Variants in TPP2 observed in about 807,000 individuals in gnomAD.
TPP2 encodes tripeptidyl peptidase 2.
TPP2 carries 34 observed loss-of-function variants against 155.9 expected under a neutral mutation model. That is an observed-to-expected ratio of 0.22 (90% CI 0.17 to 0.29). TPP2 has a LOEUF of 0.29. Among genes scored for constraint, TPP2 ranks in the 10% least tolerant of loss-of-function variants. The pLI is 1.00. For synonymous variants in TPP2, 510 were observed against 529.4 expected, an observed-to-expected ratio of 0.96 and a Z score of 0.50; for missense variants, 1,028 against 1,522.3, an observed-to-expected ratio of 0.68 and a Z score of 5.40.
chr13:102,656,948 G>C, intron 24 of TPP2, 108 bp from the exon 25 acceptor site: 6 of 1,217,752 alleles, frequency 4.9e-6, no homozygotes, highest in Non-Finnish European at 6.9e-6. Flanking sequence ...ATACAGTGTA[G>C]TACAACTTAG....
At chr13:102,644,186 C>A (rs1882949668) in intron 17 of TPP2, among the ~76,000 whole-genome samples, 1 of 152,006 alleles carries the variant, frequency 6.6e-6, no homozygotes, top group Non-Finnish European at 1.5e-5. Context: ...ATTGAGTATG[C>A]CTTACAAAGT....
intron 5 of TPP2, among the ~76,000 whole-genome samples, chr13:102,620,570 G>A (rs956409306): frequency 3.9e-5 from 6 of 152,164 alleles, no homozygotes; most frequent in African/African-American, 1.4e-4. Context: ...CATTTCTGAA[G>A]GGAGGTAAAG....
chr13:102,627,782 T>C lies in TPP2; in HGVS notation c.940-66T>C, dbSNP rs147830680. 5,284 of 1,197,778 alleles carry C rather than the reference T, an allele frequency of 4.4e-3. 17 individuals are homozygous for C. Among genetic ancestry groups the C allele is most frequent in the Non-Finnish European group, 5.2e-3 (4,279 of 819,800 alleles). 74.2% of individuals were successfully genotyped at this position (1,197,778 alleles called of 1,614,324 possible). A position where few individuals can be genotyped will look rare whatever the true frequency, so the allele number is the denominator to read the frequency against. ...AAACTATAGGATTATATATATGCCC[T>C]TATTTTACTGGCTAATCTGTTTCTG... On this transcript the variant is annotated intron_variant, in intron 7 of 29. Transcript: ENST00000376052.
rs954587994 is a variant in TPP2, at chr13:102,651,350, A to G, written c.2953-9A>G. Reference sequence around the variant, plus strand: ...ATGTTTTCTTACAGAATGTCGTTCTAACTCCCAGGGGCAGTCTGCAGCAAA... The same window carrying G: ...ATGTTTTCTTACAGAATGTCGTTCTGACTCCCAGGGGCAGTCTGCAGCAAA... On this transcript the variant is annotated splice_polypyrimidine_tract_variant and intron_variant, in intron 23 of 29. Coordinates refer to ENST00000376052, the MANE Select transcript of TPP2 (RefSeq NM_001330588.2). The G allele has an allele frequency of 4.4e-6, 7 of 1,579,834 alleles. No homozygotes were observed. The highest frequency in any genetic ancestry group is 1.3e-5 in the African/African-American group (1 of 74,424).
chr13:102,666,429 A>G (rs1442440658), intron 27 of TPP2, among the ~76,000 whole-genome samples: 2 of 152,136 alleles, frequency 1.3e-5, no homozygotes, highest in Non-Finnish European at 2.9e-5. Context: ...TGTTAATCTT[A>G]TTGCAAGAGG....
intron 27 of TPP2, among the ~76,000 whole-genome samples, chr13:102,666,890 G>A (rs571562019): frequency 8.9e-5 from 13 of 145,402 alleles, no homozygotes; most frequent in East Asian, 4.3e-4. Context: ...TTGTAAAAAC[G>A]CTAAGAGTGG....
chr13:102,654,901 C>T (rs1883751802), intron 24 of TPP2: 2 of 463,506 alleles, frequency 4.3e-6, no homozygotes, highest in East Asian at 6.6e-5. Context: ...GCAGTGCCTA[C>T]CCAGAGAGTG....
At chr13:102,627,826 A>C in intron 7 of TPP2, 22 bp from the exon 8 acceptor site, 2 of 1,574,236 alleles carry the variant, frequency 1.3e-6, no homozygotes, top group Non-Finnish European at 1.7e-6. Flanking sequence ...TGCCTAAACT[A>C]GAGTCTTAAT....
In TPP2 at chr13:102,640,420, G is replaced by A. The variant is rs561554109; in HGVS notation, c.2020+44G>A. Reference sequence around the variant, plus strand: ...TGTGTGACCGCTTATCTCTGTTTACGTTCTAATGACTATAGCTGTATGAGG... The same window carrying A: ...TGTGTGACCGCTTATCTCTGTTTACATTCTAATGACTATAGCTGTATGAGG... On this transcript the variant is annotated intron_variant, in intron 16 of 29. Transcript: ENST00000376052. 117 of 1,473,038 alleles carry A rather than the reference G, an allele frequency of 7.9e-5. 1 individual carries two copies. In the South Asian group the frequency reaches 9.4e-4, roughly 12 times the overall value. 91.2% of individuals were successfully genotyped at this position (1,473,038 alleles called of 1,614,324 possible).
At position 102,678,412 on chromosome 13, in the gene TPP2, C is replaced by T; in HGVS notation, c.*96C>T. 1.0e-6 allele frequency: 1 copy of T among 987,496 alleles called. No homozygotes were observed. Among genetic ancestry groups the T allele is most frequent in the Non-Finnish European group, 1.6e-6 (1 of 639,986 alleles). The allele number at this position is 987,496 out of a possible 1,614,324, so 61.2% of individuals were successfully genotyped here. A position where few individuals can be genotyped will look rare whatever the true frequency, so the allele number is the denominator to read the frequency against. ...GCATTTTTAGTCTAATGCATGTTTT[C>T]ATCCACTATCCAGTACTGATTATTA... On this transcript the variant is annotated 3_prime_UTR_variant, in exon 30 of 30. Coordinates refer to ENST00000376052, the MANE Select transcript of TPP2 (RefSeq NM_001330588.2).
rs764613708 is a variant in TPP2, at chr13:102,597,052, C to G, written c.14C>G (p.Ala5Gly). 6.2e-7 allele frequency: 1 copy of G among 1,611,724 alleles called. No homozygotes were observed. The highest frequency in any genetic ancestry group is 8.5e-7 in the Non-Finnish European group (1 of 1,179,410). Reference sequence around the variant, plus strand: ...CATCCTGCGTCCATGGCCACCGCTGCGACTGAGGAGCCCTTCCCTTTTCAC... The same window carrying G: ...CATCCTGCGTCCATGGCCACCGCTGGGACTGAGGAGCCCTTCCCTTTTCAC... MATA[A>G]TEEPFPFHGL... is the part of the protein sequence containing the mutation. Residue 5 changes from alanine (A) to glycine (G), a missense_variant, in exon 1 of 30, where the codon GCG (alanine) becomes GGG (glycine). By Grantham distance (60) the Ala-to-Gly change is moderately conservative. Coordinates refer to ENST00000376052, the MANE Select transcript of TPP2 (RefSeq NM_001330588.2).
At chr13:102,617,742 C>T (rs756680359) in intron 4 of TPP2, among the ~76,000 whole-genome samples, 9 of 152,266 alleles carry the variant, frequency 5.9e-5, no homozygotes, top group East Asian at 1.9e-4. Flanking sequence ...TGATCAAAGA[C>T]GACTACCTTT....
At chr13:102,666,722 A>G (rs1884618848) in intron 27 of TPP2, among the ~76,000 whole-genome samples, 1 of 107,452 alleles carries the variant, frequency 9.3e-6, no homozygotes, top group Admixed American at 8.6e-5. Context: ...CTAATACGAT[A>G]TTAGTTTTGT....
intron 19 of TPP2, among the ~76,000 whole-genome samples, chr13:102,645,748 A>G (rs773056307): frequency 2.6e-5 from 4 of 152,262 alleles, no homozygotes; most frequent in Non-Finnish European, 5.9e-5. Context: ...AACTATATTT[A>G]AAACTTACTC....
intron 2 of TPP2, among the ~76,000 whole-genome samples, chr13:102,605,701 T>C (rs1487133864): frequency 6.9e-6 from 1 of 145,472 alleles, no homozygotes. Flanking sequence ...AGCTTTGTCT[T>C]TTTTTTTTTT....
chr13:102,638,208 G>C lies in TPP2; in HGVS notation c.1837-31G>C, dbSNP rs776680697. ...CCGCTCTTTTAAACATTTGTTTATG[G>C]ATATTGACACTTACCGATTCTTTTT... On this transcript the variant is annotated intron_variant, in intron 14 of 29. Transcript: ENST00000376052. The C allele has an allele frequency of 4.4e-6, 7 of 1,590,774 alleles. No homozygotes were observed. In the East Asian group the frequency reaches 1.3e-4, roughly 30 times the overall value.
At chr13:102,651,956 G>A (rs1883520654) in intron 24 of TPP2, among the ~76,000 whole-genome samples, 1 of 152,186 alleles carries the variant, frequency 6.6e-6, no homozygotes, top group Admixed American at 6.5e-5. Context: ...TAAAGCTTAT[G>A]CTAAGAACAC....
chr13:102,603,898 A>G (rs1301913008), intron 1 of TPP2, among the ~76,000 whole-genome samples: 1 of 152,104 alleles, frequency 6.6e-6, no homozygotes, highest in Non-Finnish European at 1.5e-5. Flanking sequence ...TCATGGAGGC[A>G]AGAGATGGTG....
At chr13:102,645,091 T>C in intron 19 of TPP2, 82 bp downstream of exon 19, 1 of 1,342,614 alleles carries the variant, frequency 7.4e-7, no homozygotes, top group Non-Finnish European at 1.0e-6. Context: ...GGGCCTTTTT[T>C]TTTTTTAATC....
Sources: allele counts gnomAD v4.1 joint callset (sites outside exome capture counted in the v4.1 genomes callset), GRCh38; gene constraint gnomAD v4.1.1; transcripts MANE v1.5; gene names NCBI Gene and HGNC (gene_info 2026-07-23, HGNC 2026-07-21).